ALMS1: variants seen among roughly 807,000 people sequenced by gnomAD.
ALMS1 encodes ALMS1 centrosome and basal body associated protein.
Under a neutral mutation model 352.2 loss-of-function variants are expected in ALMS1, and 271 were observed. The ratio of observed to expected loss-of-function variants is 0.77; its 90% CI spans 0.70 to 0.85. The LOEUF is 0.85. Ranked by LOEUF, ALMS1 falls within the 40% of genes least tolerant of loss-of-function variation. The pLI is 0.00. For missense variants in ALMS1, 5,445 were observed against 4,870.7 expected, an observed-to-expected ratio of 1.12 and a Z score of -3.51; for synonymous variants, 1,865 against 1,761.2, an observed-to-expected ratio of 1.06 and a Z score of -1.48.
At chr2:73,530,337 G>A (rs1673882594) in intron 11 of ALMS1, among the ~76,000 whole-genome samples, 1 of 152,172 alleles carries the variant, frequency 6.6e-6, no homozygotes, top group Admixed American at 6.5e-5. Flanking sequence ...GGGATTACAG[G>A]CCCCATGCAA....
chr2:73,386,165 G>C lies in ALMS1; in HGVS notation c.297G>C (p.Ser99=), dbSNP rs1193814238. Residue 99 remains serine (S), a synonymous_variant, in exon 1 of 23, where the codon TCG becomes TCC. Coordinates refer to ENST00000613296, the MANE Select transcript of ALMS1 (RefSeq NM_001378454.1). The stretch of plus-strand genomic sequence containing the variant: ...TGTCGCCCCCGCAGCACCGCTACTC[G>C]GAGGGCGAGCGGACCTCCCTGGAGA... ...PPLSPPQHRY[S]EGERTSLEKI... The C allele has an allele frequency of 1.9e-6, 3 of 1,550,794 alleles. 1 individual carries two copies. In the East Asian group the frequency reaches 7.3e-5, roughly 38 times the overall value.
In ALMS1 at chr2:73,489,924, G is replaced by A; in HGVS notation, c.7965G>A (p.Gln2655=). The part of the protein sequence containing the change: ...SLQLKSHSPF[Q]NFIPDEFKIS... Reference sequence around the variant, plus strand: ...AGTTAAAAAGTCATTCCCCATTTCAGAACTTTATACCTGATGAATTCAAAA... The same window carrying A: ...AGTTAAAAAGTCATTCCCCATTTCAAAACTTTATACCTGATGAATTCAAAA... The change falls in exon 10 of 23, where the codon CAG becomes CAA. Residue 2655 remains glutamine (Q), a synonymous_variant. Transcript: ENST00000613296. 2.5e-6 allele frequency: 4 copies of A among 1,614,186 alleles called. No homozygotes were observed. The highest frequency in any genetic ancestry group is 3.4e-6 in the Non-Finnish European group (4 of 1,180,032).
chr2:73,438,851 G>A (rs184712964), intron 7 of ALMS1, among the ~76,000 whole-genome samples: 5 of 151,640 alleles, frequency 3.3e-5, no homozygotes, highest in African/African-American at 4.8e-5. Flanking sequence ...TTTGTTGCAC[G>A]AACATTTAGG....
In ALMS1 at chr2:73,453,904, C is replaced by G; in HGVS notation, c.7377C>G (p.Ser2459Arg). ...CACCCAAGACAAGTATAACAGATAGCAGGGAGGAAGAGGGTGTGTCAGAGA... is the reference window on the plus strand; with the variant it reads ...CACCCAAGACAAGTATAACAGATAGGAGGGAGGAAGAGGGTGTGTCAGAGA... ...YVSPKTSITD[S>R]REEEGVSESE... The change falls in exon 8 of 23, where the codon AGC becomes AGG. Residue 2459 changes from serine (S) to arginine (R), a missense_variant. Transcript: ENST00000613296. The G allele has an allele frequency of 6.2e-7, 1 of 1,613,994 alleles. No individual in the cohort carries two copies. Among genetic ancestry groups the G allele is most frequent in the Non-Finnish European group, 8.5e-7 (1 of 1,179,948 alleles).
chr2:73,438,734 A>G lies in ALMS1; in HGVS notation c.1432+6443A>G, dbSNP rs373753709. Among the ~76,000 whole-genome samples the G allele has an allele frequency of 7.2e-5, 11 of 152,200 alleles. No individual in the cohort carries two copies. The East Asian group carries it at 1.9e-3, about 27-fold the overall frequency. ...CAATAGCAGAAAGAGGCCAATAGAA[A>G]ATATCAAAAAAGACAGATATTTTGT... On this transcript the variant is annotated intron_variant, in intron 7 of 22. Transcript: ENST00000613296.
intron 15 of ALMS1, among the ~76,000 whole-genome samples, chr2:73,560,973 C>T (rs754103581): frequency 6.6e-6 from 1 of 152,228 alleles, no homozygotes; most frequent in African/African-American, 2.4e-5. Context: ...CAGCACTTGA[C>T]TTTTATACAC....
chr2:73,401,501 C>G (rs548189035), intron 1 of ALMS1, among the ~76,000 whole-genome samples: 9 of 152,228 alleles, frequency 5.9e-5, no homozygotes, highest in African/African-American at 2.2e-4. Flanking sequence ...TAGAAATACA[C>G]TGTTTAACCT....
chr2:73,456,798 A>G (rs993199675), intron 9 of ALMS1: 1 of 152,254 alleles, frequency 6.6e-6, no homozygotes, highest in Non-Finnish European at 1.5e-5. Context: ...ATTTGTATAT[A>G]TGCTGCCAAA....
intron 9 of ALMS1, among the ~76,000 whole-genome samples, chr2:73,479,713 T>C (rs1672655453): frequency 6.6e-6 from 1 of 152,208 alleles, no homozygotes; most frequent in Non-Finnish European, 1.5e-5. Context: ...GAATATGTCT[T>C]TGTTTCTGTG....
At chr2:73,440,747 TG>T (rs1671703686) in intron 7 of ALMS1, among the ~76,000 whole-genome samples, 1 of 152,182 alleles carries the variant, frequency 6.6e-6, no homozygotes, top group Non-Finnish European at 1.5e-5. Context: ...TCTCAGTTTG[TG>T]ATTTTCCTGG....
intron 16 of ALMS1, among the ~76,000 whole-genome samples, chr2:73,596,872 T>TC (rs1254441504): frequency 6.7e-6 from 1 of 149,538 alleles, no homozygotes; most frequent in Non-Finnish European, 1.5e-5. Flanking sequence ...TTTTTTTTTT[T>TC]TTTTTTCTTT....
intron 21 of ALMS1, among the ~76,000 whole-genome samples, chr2:73,607,495 C>T (rs1257118255): frequency 6.6e-6 from 1 of 152,248 alleles, no homozygotes; most frequent in East Asian, 1.9e-4. Flanking sequence ...CTCACCCTCA[C>T]CCCCATCTGT....
chr2:73,508,586 AT>A (rs2103937635), intron 10 of ALMS1, among the ~76,000 whole-genome samples: 1 of 152,088 alleles, frequency 6.6e-6, no homozygotes, highest in East Asian at 1.9e-4. Context: ...ATTCTTCTGC[AT>A]TTTCTGAGGA....
In ALMS1 at chr2:73,609,622, A is replaced by G. The variant is rs1255425449; in HGVS notation, c.*10A>G. ...AGTTCCCTGGGACTGACACAAGTTT[A>G]TTTTCCTCAGAGCCTTGGAATTCTA... On this transcript the variant is annotated 3_prime_UTR_variant, in exon 23 of 23. Transcript: ENST00000613296. 1 of 1,613,662 alleles carries G rather than the reference A, an allele frequency of 6.2e-7. No individual in the cohort carries two copies. The highest frequency in any genetic ancestry group is 8.5e-7 in the Non-Finnish European group (1 of 1,179,604).
intron 16 of ALMS1, among the ~76,000 whole-genome samples, chr2:73,593,990 T>C (rs1288481361): frequency 6.6e-6 from 1 of 152,234 alleles, no homozygotes; most frequent in Non-Finnish European, 1.5e-5. Flanking sequence ...CATGGACATT[T>C]GTGTTGTTTC....
At chr2:73,596,125 CTGTT>C (rs1289802794) in intron 16 of ALMS1, among the ~76,000 whole-genome samples, 4 of 152,176 alleles carry the variant, frequency 2.6e-5, no homozygotes, top group Non-Finnish European at 4.4e-5. Flanking sequence ...CCCATTTAAA[CTGTT>C]TGTCTTTTAT....
At chr2:73,545,438 C>T (rs1674293289) in intron 12 of ALMS1, among the ~76,000 whole-genome samples, 1 of 152,072 alleles carries the variant, frequency 6.6e-6, no homozygotes, top group Non-Finnish European at 1.5e-5. Flanking sequence ...GCCTCAGCCT[C>T]CCAAAGTGCT....
chr2:73,497,349 G>T (rs1208502585), intron 10 of ALMS1, among the ~76,000 whole-genome samples: 1 of 151,946 alleles, frequency 6.6e-6, no homozygotes, highest in Non-Finnish European at 1.5e-5. Context: ...TTGGTTACAT[G>T]GATAAGTTCT....
intron 2 of ALMS1, among the ~76,000 whole-genome samples, chr2:73,412,654 G>C (rs143739943): frequency 0.014 from 2,164 of 152,204 alleles, 57 homozygotes; most frequent in African/African-American, 0.049. Flanking sequence ...AAATTAGCCA[G>C]GTGTGGTGGC....
Sources: allele counts gnomAD v4.1 joint callset (sites outside exome capture counted in the v4.1 genomes callset), GRCh38; gene constraint gnomAD v4.1.1; transcripts MANE v1.5; gene names NCBI Gene and HGNC (gene_info 2026-07-23, HGNC 2026-07-21).